GATAD2B: variants seen among roughly 807,000 people sequenced by gnomAD.
GATAD2B encodes the protein GATA zinc finger domain containing 2B.
GATAD2B carries 8 observed loss-of-function variants against 64.3 expected under a neutral mutation model. The observed-to-expected ratio is 0.12, with a 90% CI of 0.07 to 0.22. GATAD2B has a LOEUF of 0.22. Ranked by LOEUF, GATAD2B falls within the 10% of genes least tolerant of loss-of-function variation. The pLI is 1.00. For missense variants in GATAD2B, 453 were observed against 752.0 expected (o/e 0.60, Z 4.65); for synonymous variants, 281 against 271.3 (o/e 1.04, Z -0.35).
chr1:153,850,446 T>C (rs1429918309), intron 1 of GATAD2B, among the ~76,000 whole-genome samples: 2 of 152,024 alleles, frequency 1.3e-5, no homozygotes, highest in Non-Finnish European at 2.9e-5. Context: ...ATTACAGGCA[T>C]CCGCCACCAT....
At chr1:153,920,254 A>G (rs1175979055) in intron 1 of GATAD2B, among the ~76,000 whole-genome samples, 1 of 152,246 alleles carries the variant, frequency 6.6e-6, no homozygotes, top group Non-Finnish European at 1.5e-5. Flanking sequence ...GTCTCAACAC[A>G]TGATTAGGAT....
rs1448062917 is a variant in GATAD2B at position 153,819,457 on chromosome 1, C to G, written c.465+149G>C. The G allele has an allele frequency of 5.4e-6, 3 of 559,564 alleles. No homozygotes were observed. The Admixed American group carries it at 1.1e-4, about 20-fold the overall frequency. 34.7% of individuals were successfully genotyped at this position (559,564 alleles called of 1,614,324 possible). On this transcript the variant is annotated intron_variant, in intron 3 of 10. Transcript: ENST00000368655. ...GCTTCTAATAGTTCCTTTTGAAAGC[C>G]CTTGAAGTCAAGAGTTACTATAAAG... is the stretch of plus-strand genomic sequence containing the variant.
chr1:153,898,042 G>A (rs1395318238), intron 1 of GATAD2B, among the ~76,000 whole-genome samples: 1 of 146,888 alleles, frequency 6.8e-6, no homozygotes, highest in African/African-American at 2.5e-5. Context: ...GGTGGCTAAA[G>A]CCTATAATTC....
At chr1:153,920,989 C>T (rs533544928) in intron 1 of GATAD2B, among the ~76,000 whole-genome samples, 3 of 152,152 alleles carry the variant, frequency 2.0e-5, no homozygotes, top group Non-Finnish European at 4.4e-5. Flanking sequence ...AAAAGCAGCA[C>T]GATCCAACAA....
At chr1:153,841,834 G>A (rs553546594) in intron 1 of GATAD2B, among the ~76,000 whole-genome samples, 1 of 152,202 alleles carries the variant, frequency 6.6e-6, no homozygotes, top group Non-Finnish European at 1.5e-5. Context: ...CATATGGTAA[G>A]TGAATGTTCG....
Position 153,906,865 on chromosome 1 carries a change from T to C in GATAD2B, c.-2+15868A>G, listed in dbSNP as rs749250593. The stretch of plus-strand genomic sequence containing the variant: ...AATAGACATGTCTCCAAAGGAAATA[T>C]ACGAATAGCCAATAAGCACCTGAAA... On this transcript the variant is annotated intron_variant, in intron 1 of 10. Coordinates refer to ENST00000368655, the MANE Select transcript of GATAD2B (RefSeq NM_020699.4). 3.3e-5 allele frequency among the ~76,000 whole-genome samples: 5 copies of C among 152,104 alleles called. No homozygotes were observed. In the South Asian group the frequency reaches 8.3e-4, roughly 25 times the overall value.
intron 1 of GATAD2B, among the ~76,000 whole-genome samples, chr1:153,846,841 G>GA (rs1189272289): frequency 6.6e-6 from 1 of 152,038 alleles, no homozygotes; most frequent in African/African-American, 2.4e-5. Flanking sequence ...TTACAGGCGT[G>GA]AGCCACCGCA....
At chr1:153,874,559 A>G (rs1295874604) in intron 1 of GATAD2B, among the ~76,000 whole-genome samples, 1 of 151,934 alleles carries the variant, frequency 6.6e-6, no homozygotes, top group Admixed American at 6.6e-5. Context: ...ATTTTTATTT[A>G]TCTATTTTTG....
intron 1 of GATAD2B, among the ~76,000 whole-genome samples, chr1:153,877,169 T>C (rs555328998): frequency 6.6e-6 from 1 of 152,234 alleles, no homozygotes; most frequent in African/African-American, 2.4e-5. Context: ...CCTCTGTCTC[T>C]ACCAAAAATA....
At chr1:153,811,619 C>G in intron 10 of GATAD2B, 112 bp downstream of exon 10, 1 of 764,172 alleles carries the variant, frequency 1.3e-6, no homozygotes, top group Non-Finnish European at 2.3e-6. Context: ...AGTGTATGCC[C>G]TAAAGAAAGA....
chr1:153,854,392 G>A lies in GATAD2B; in HGVS notation c.-1-26044C>T, dbSNP rs570005259. Among the ~76,000 whole-genome samples the A allele has an allele frequency of 3.3e-5, 5 of 152,200 alleles. No individual in the cohort carries two copies. In the East Asian group the frequency reaches 9.6e-4, roughly 29 times the overall value. Reference sequence around the variant, plus strand: ...CACTCCAGCCTGGGCGACAGAGCAAGACTCCGTCTCAAAAAACAAACAAAC... The same window carrying A: ...CACTCCAGCCTGGGCGACAGAGCAAAACTCCGTCTCAAAAAACAAACAAAC... On this transcript the variant is annotated intron_variant, in intron 1 of 10. Coordinates refer to ENST00000368655, the MANE Select transcript of GATAD2B (RefSeq NM_020699.4).
chr1:153,898,319 A>AG (rs1373684517), intron 1 of GATAD2B, among the ~76,000 whole-genome samples: 10 of 150,176 alleles, frequency 6.7e-5, no homozygotes, highest in Non-Finnish European at 1.5e-4. Context: ...AAAAAAAAAA[A>AG]AAAAGAAAAA....
chr1:153,826,308 C>T (rs1037953033), intron 2 of GATAD2B, among the ~76,000 whole-genome samples: 19 of 152,048 alleles, frequency 1.2e-4, no homozygotes, highest in Non-Finnish European at 2.2e-4. Flanking sequence ...CGTGAGCCAC[C>T]GCACCCAGCC....
At chr1:153,916,277 G>GAAA (rs200305010) in intron 1 of GATAD2B, among the ~76,000 whole-genome samples, 1 of 92,604 alleles carries the variant, frequency 1.1e-5, no homozygotes, top group Non-Finnish European at 2.2e-5. Flanking sequence ...TCCACCTCAA[G>GAAA]AAAAAAAAAA....
chr1:153,873,066 T>G (rs1050277763), intron 1 of GATAD2B, among the ~76,000 whole-genome samples: 2 of 152,030 alleles, frequency 1.3e-5, no homozygotes, highest in Non-Finnish European at 2.9e-5. Context: ...TACCCTAACG[T>G]TTTAATCAGC....
chr1:153,828,224 G>A lies in GATAD2B; in HGVS notation c.124C>T (p.Arg42Cys). ...LKMEGHEAME[R>C]LKMLALLKRK... ...TTGAGCAATGCCAACATTTTCAGAC[G>A]TTCCATGGCCTCATGCCCCTCCATT... Residue 42 changes from arginine (R) to cysteine (C), a missense_variant, in exon 2 of 11, where the codon CGT becomes TGT. Coordinates refer to ENST00000368655, the MANE Select transcript of GATAD2B (RefSeq NM_020699.4). 6.2e-7 allele frequency: 1 copy of A among 1,614,104 alleles called. No homozygotes were observed. Among genetic ancestry groups the A allele is most frequent in the Non-Finnish European group, 8.5e-7 (1 of 1,180,036 alleles).
intron 1 of GATAD2B, among the ~76,000 whole-genome samples, chr1:153,871,378 T>C (rs1676660315): frequency 6.6e-6 from 1 of 151,778 alleles, no homozygotes; most frequent in South Asian, 2.1e-4. Flanking sequence ...TGTTTTTTTG[T>C]ATTTTTAGTA....
rs188663509 is a variant in GATAD2B, at chr1:153,883,382, A to G, written c.-2+39351T>C. ...AACTACAAAGGAAAACCCTTTATCT[A>G]CAACACAACATGAGCTTCAAGTGGT... On this transcript the variant is annotated intron_variant, in intron 1 of 10. Transcript: ENST00000368655. 7.9e-4 allele frequency among the ~76,000 whole-genome samples: 120 copies of G among 152,360 alleles called. 1 individual carries two copies. Among genetic ancestry groups the G allele is most frequent in the African/African-American group, 2.7e-3 (111 of 41,592 alleles).
chr1:153,858,322 T>C (rs1245882260), intron 1 of GATAD2B, among the ~76,000 whole-genome samples: 1 of 152,108 alleles, frequency 6.6e-6, no homozygotes, highest in African/African-American at 2.4e-5. Context: ...TCCCAGCACT[T>C]TGGGAGGCCA....
Sources: gnomAD v4.1 joint callset for allele counts (sites outside exome capture counted in the v4.1 genomes callset) on GRCh38, gnomAD v4.1.1 for gene constraint, MANE v1.5 for transcripts, NCBI Gene and HGNC (gene_info 2026-07-23, HGNC 2026-07-21) for gene names.